FAM13A: variants seen among roughly 807,000 people sequenced by gnomAD.
FAM13A encodes protein FAM13A.
A neutral mutation model predicts 129.6 loss-of-function variants in FAM13A; 76 were observed. The ratio of observed to expected loss-of-function variants is 0.59; its 90% CI spans 0.49 to 0.71. The LOEUF (loss-of-function observed/expected upper bound fraction) is 0.71. Ranked by LOEUF, FAM13A falls within the 30% of genes least tolerant of loss-of-function variation. FAM13A has a pLI of 0.00. For synonymous variants in FAM13A, 443 were observed against 449.9 expected (o/e 0.98, Z 0.20); for missense variants, 1,108 against 1,249.3 (o/e 0.89, Z 1.70).
intron 7 of FAM13A, among the ~76,000 whole-genome samples, chr4:88,846,758 C>T (rs1410405762): frequency 6.6e-6 from 1 of 152,132 alleles, no homozygotes; most frequent in African/African-American, 2.4e-5. Flanking sequence ...GTGATATTAC[C>T]ATTTAAGACT....
chr4:88,971,838 C>G (rs1460121523), intron 4 of FAM13A, among the ~76,000 whole-genome samples: 2 of 152,126 alleles, frequency 1.3e-5, no homozygotes, highest in African/African-American at 4.8e-5. Flanking sequence ...TATCAAATTA[C>G]TGCAAGGAAA....
intron 6 of FAM13A, among the ~76,000 whole-genome samples, chr4:88,857,316 A>G (rs557140560): frequency 2.0e-5 from 3 of 152,230 alleles, no homozygotes; most frequent in South Asian, 2.1e-4. Context: ...GAAAAAAGAA[A>G]TTTTATACTT....
At chr4:88,952,864 C>T (rs1353558256) in intron 4 of FAM13A, among the ~76,000 whole-genome samples, 1 of 152,116 alleles carries the variant, frequency 6.6e-6, no homozygotes, top group Non-Finnish European at 1.5e-5. Flanking sequence ...AGGAGAATCG[C>T]TTAAACCTGG....
At chr4:88,921,778 C>T (rs1751135863) in intron 5 of FAM13A, among the ~76,000 whole-genome samples, 1 of 151,964 alleles carries the variant, frequency 6.6e-6, no homozygotes, top group South Asian at 2.1e-4. Flanking sequence ...GAGTCAAGAC[C>T]CATCAGTGTG....
chr4:88,759,431 T>A (rs374782902), intron 13 of FAM13A: 5 of 152,984 alleles, frequency 3.3e-5, no homozygotes, highest in African/African-American at 1.2e-4. Context: ...ATTCCCAGAT[T>A]TCCTGTGGTT....
chr4:88,904,306 A>G (rs1202173992), intron 6 of FAM13A, among the ~76,000 whole-genome samples: 1 of 152,204 alleles, frequency 6.6e-6, no homozygotes, highest in Non-Finnish European at 1.5e-5. Flanking sequence ...TATTATAACA[A>G]TACATGCACA....
At chr4:88,891,514 C>A (rs1007220701) in intron 6 of FAM13A, among the ~76,000 whole-genome samples, 5 of 152,096 alleles carry the variant, frequency 3.3e-5, no homozygotes, top group Admixed American at 2.6e-4. Context: ...GCATGTAGAA[C>A]AAAACACACT....
chr4:88,948,523 C>G (rs1462489204), intron 4 of FAM13A, among the ~76,000 whole-genome samples: 1 of 151,406 alleles, frequency 6.6e-6, no homozygotes, highest in African/African-American at 2.4e-5. Context: ...GAGTCTCACT[C>G]TATCACCCAG....
rs779405017 is a variant in FAM13A, at chr4:89,056,928, C to T, written c.27+10G>A. 6.2e-7 allele frequency: 1 copy of T among 1,608,506 alleles called. No individual in the cohort carries two copies. Among genetic ancestry groups the T allele is most frequent in the Admixed American group, 1.7e-5 (1 of 59,700 alleles). ...GTAAACACAGAAGACAGAAGAAGGC[C>T]TATACTTACACAGATGGCTAGAGCT... is the stretch of plus-strand genomic sequence containing the variant. On this transcript the variant is annotated intron_variant, in intron 1 of 23. Transcript: ENST00000264344.
chr4:88,744,108 AT>A (rs1231967034), intron 19 of FAM13A, among the ~76,000 whole-genome samples: 3 of 152,192 alleles, frequency 2.0e-5, no homozygotes, highest in Admixed American at 1.3e-4. Context: ...TGGCTCCAGA[AT>A]TTGCATTTAA....
intron 8 of FAM13A, 116 bp from the exon 9 acceptor site, chr4:88,790,743 A>G (rs1724965914): frequency 1.2e-6 from 1 of 812,018 alleles, no homozygotes; most frequent in Admixed American, 2.2e-5. Context: ...AGTGATCCCC[A>G]AAACAATGTT....
At chr4:89,013,944 G>A (rs866714794) in intron 3 of FAM13A, among the ~76,000 whole-genome samples, 2 of 152,170 alleles carry the variant, frequency 1.3e-5, no homozygotes, top group African/African-American at 2.4e-5. Flanking sequence ...CCGGTTAATC[G>A]GCATGTCTAA....
intron 20 of FAM13A, 88 bp from the exon 21 acceptor site, chr4:88,737,643 T>G (rs1478841321): frequency 1.0e-6 from 1 of 997,104 alleles, no homozygotes; most frequent in Non-Finnish European, 1.6e-6. Context: ...CACCAGTATT[T>G]ATTAACTTTT....
At chr4:88,808,675 G>C (rs11938303) in intron 7 of FAM13A, among the ~76,000 whole-genome samples, 1 of 151,884 alleles carries the variant, frequency 6.6e-6, no homozygotes. Flanking sequence ...GAATTCATTC[G>C]ATTTCCTCCT....
intron 7 of FAM13A, among the ~76,000 whole-genome samples, chr4:88,827,211 T>C (rs1408613898): frequency 6.6e-6 from 1 of 152,240 alleles, no homozygotes; most frequent in Admixed American, 6.5e-5. Flanking sequence ...CTGAAAGTCT[T>C]TGGTTCTCTG....
chr4:88,735,787 T>C (rs996416037), intron 21 of FAM13A, among the ~76,000 whole-genome samples: 1 of 152,162 alleles, frequency 6.6e-6, no homozygotes, highest in African/African-American at 2.4e-5. Flanking sequence ...AAAGTAGTCA[T>C]TGCAAAATTA....
rs538015001 is a variant in FAM13A at position 88,925,769 on chromosome 4, C to G, written c.759+12319G>C. ...ATAAGTAAATATGAGATATTGTTCT[C>G]ACCCTAGAAAAATTTACAATGCAAC... On this transcript the variant is annotated intron_variant, in intron 5 of 23. Transcript: ENST00000264344. Among the ~76,000 whole-genome samples, 3 of 150,882 alleles carry G rather than the reference C, an allele frequency of 2.0e-5. No homozygotes were observed. The East Asian group carries it at 5.9e-4, about 29-fold the overall frequency.
chr4:88,921,188 G>A (rs1751019679), intron 5 of FAM13A, among the ~76,000 whole-genome samples: 2 of 151,848 alleles, frequency 1.3e-5, no homozygotes, highest in Non-Finnish European at 2.9e-5. Context: ...TCAGATTCAG[G>A]AAATACAGAG....
At chr4:88,789,624 T>C (rs565121491) in intron 9 of FAM13A, among the ~76,000 whole-genome samples, 4 of 152,278 alleles carry the variant, frequency 2.6e-5, no homozygotes, top group Admixed American at 6.5e-5. Context: ...AGTAGGGAGA[T>C]AGCAATGAAC....
Sources: allele counts gnomAD v4.1 joint callset (sites outside exome capture counted in the v4.1 genomes callset), GRCh38; gene constraint gnomAD v4.1.1; transcripts MANE v1.5; gene names NCBI Gene and HGNC (gene_info 2026-07-23, HGNC 2026-07-21).